PRH1: variants seen among roughly 807,000 people sequenced by gnomAD.
The protein encoded by PRH1 is proline rich protein HaeIII subfamily 1.
In PRH1, 7 loss-of-function variants were observed where a neutral mutation model predicts 7.9. That is an observed-to-expected ratio of 0.89 (90% CI 0.50 to 1.67). The LOEUF is 1.67. Among genes scored for constraint, PRH1 ranks in the 40% most tolerant of loss-of-function variants. The pLI is 0.00. For missense variants in PRH1, 109 were observed against 223.6 expected (o/e 0.49, Z 3.27); for synonymous variants, 45 against 80.8 (o/e 0.56, Z 2.38).
chr12:11,145,383 G>T (rs1376232597), intron 1 of PRH1, among the ~76,000 whole-genome samples: 2 of 151,942 alleles, frequency 1.3e-5, no homozygotes, highest in East Asian at 3.9e-4. Context: ...AGTAGAGATG[G>T]GATTTCACCA....
intron 1 of PRH1, among the ~76,000 whole-genome samples, chr12:11,035,097 G>C (rs887991626): frequency 3.3e-5 from 5 of 151,436 alleles, no homozygotes; most frequent in Middle Eastern, 3.4e-3. Flanking sequence ...TTTTCCTCTA[G>C]TTACTTTTCA....
chr12:11,036,389 G>A (rs1330401498), intron 1 of PRH1, among the ~76,000 whole-genome samples: 1 of 152,124 alleles, frequency 6.6e-6, no homozygotes, highest in Non-Finnish European at 1.5e-5. Context: ...CATGAATATA[G>A]TTTTGGTTAT....
chr12:10,962,963 G>T (rs116686365), intron 2 of PRH1, among the ~76,000 whole-genome samples: 1,701 of 152,242 alleles, frequency 0.011, 39 homozygotes, highest in African/African-American at 0.038. Flanking sequence ...GCAGAGACCG[G>T]GTTTCACAGC....
chr12:11,132,689 A>G (rs2597927), intron 1 of PRH1, among the ~76,000 whole-genome samples: 1 of 151,174 alleles, frequency 6.6e-6, no homozygotes, highest in East Asian at 1.9e-4. Flanking sequence ...GAAATTTACT[A>G]TACGTATACT....
chr12:11,162,706 G>A (rs995193222), intron 1 of PRH1, among the ~76,000 whole-genome samples: 4 of 152,202 alleles, frequency 2.6e-5, no homozygotes, highest in African/African-American at 7.2e-5. Context: ...GCAGTTGGGT[G>A]TGACCCAGTG....
At chr12:11,041,871 G>C (rs546387836) in intron 1 of PRH1, among the ~76,000 whole-genome samples, 1 of 152,228 alleles carries the variant, frequency 6.6e-6, no homozygotes, top group South Asian at 2.1e-4. Context: ...ATATGCTCCT[G>C]AATGACCAGT....
At chr12:10,936,270 G>T (rs918134248) in intron 2 of PRH1, among the ~76,000 whole-genome samples, 1 of 151,752 alleles carries the variant, frequency 6.6e-6, no homozygotes, top group Admixed American at 6.6e-5. Flanking sequence ...GTAAACATAA[G>T]GCCCAGGCTA....
At chr12:10,907,214 T>A (rs944331161) in intron 2 of PRH1, among the ~76,000 whole-genome samples, 3 of 152,214 alleles carry the variant, frequency 2.0e-5, no homozygotes, top group African/African-American at 7.2e-5. Flanking sequence ...CATACACTTA[T>A]CATATGATTT....
At chr12:11,007,045 T>C (rs1010789709) in intron 1 of PRH1, among the ~76,000 whole-genome samples, 2 of 152,172 alleles carry the variant, frequency 1.3e-5, no homozygotes, top group African/African-American at 4.8e-5. Flanking sequence ...AGTTGTTTCA[T>C]AGGGAAATTT....
intron 1 of PRH1, among the ~76,000 whole-genome samples, chr12:11,081,868 TA>T (rs1944511010): frequency 1.7e-5 from 2 of 117,638 alleles, no homozygotes; most frequent in Admixed American, 1.7e-4. Flanking sequence ...ACTTTATAAA[TA>T]AGAGCTTGAT....
chr12:10,901,307 G>A (rs914067704), intron 2 of PRH1, among the ~76,000 whole-genome samples: 15 of 152,156 alleles, frequency 9.9e-5, no homozygotes, highest in African/African-American at 3.6e-4. Flanking sequence ...GGTATTCAGA[G>A]CCCCCACTCT....
At chr12:11,116,536 A>C (rs1474406434), downstream of PRH1, among the ~76,000 whole-genome samples, 1 of 152,136 alleles carries the variant, frequency 6.6e-6, no homozygotes, top group African/African-American at 2.4e-5. Flanking sequence ...AACTATTCTG[A>C]AAAACAGAGG....
At chr12:10,961,916 C>T (rs773403459) in intron 2 of PRH1, among the ~76,000 whole-genome samples, 3 of 152,198 alleles carry the variant, frequency 2.0e-5, no homozygotes, top group Non-Finnish European at 2.9e-5. Context: ...TCTCTCTCAC[C>T]TTATAATGAA....
chr12:10,886,777 A>T (rs1203121905), upstream of PRH1, among the ~76,000 whole-genome samples: 4 of 152,196 alleles, frequency 2.6e-5, no homozygotes, highest in African/African-American at 4.8e-5. Context: ...TAGTGGTTCA[A>T]AAATCCTCGC....
rs1949415711 is a variant in PRH1, at chr12:10,882,349, G to C, written c.450C>G (p.Pro150=). ...RPPRGRPQGP[P]QQGGHQQGPP... ...GACCTTGCTGATGGCCTCCCTGTTG[G>C]GGTGGTCCTTGTGGCCTTCCTCGAG... Residue 150 remains proline (P), a synonymous_variant, in exon 3 of 4, where the codon CCC becomes CCG. Transcript: ENST00000543626. 2.5e-6 allele frequency: 4 copies of C among 1,605,316 alleles called. No individual in the cohort carries two copies. The African/African-American group carries it at 4.0e-5, about 16-fold the overall frequency.
intron 1 of PRH1, among the ~76,000 whole-genome samples, chr12:11,013,438 C>CA (rs1305192882): frequency 6.6e-6 from 1 of 151,906 alleles, no homozygotes; most frequent in Non-Finnish European, 1.5e-5. Context: ...ACACCATACA[C>CA]AAAAAATAAC....
chr12:10,981,613 G>A (rs571252800), intron 1 of PRH1, among the ~76,000 whole-genome samples: 1 of 152,100 alleles, frequency 6.6e-6, no homozygotes, highest in South Asian at 2.1e-4. Flanking sequence ...GACCTCAAGT[G>A]ATCCAACCAC....
intron 1 of PRH1, among the ~76,000 whole-genome samples, chr12:11,086,642 G>A (rs1174052398): frequency 2.0e-4 from 29 of 143,720 alleles, no homozygotes; most frequent in Non-Finnish European, 3.9e-4. Context: ...GGCCGGGTGC[G>A]GTGGCTCAGG....
intron 1 of PRH1, among the ~76,000 whole-genome samples, chr12:11,125,375 G>C (rs1183589488): frequency 6.6e-6 from 1 of 152,238 alleles, no homozygotes; most frequent in African/African-American, 2.4e-5. Flanking sequence ...TGCAATTATA[G>C]AGTGAATAAG....
Sources: gnomAD v4.1 joint callset for allele counts (sites outside exome capture counted in the v4.1 genomes callset) on GRCh38, gnomAD v4.1.1 for gene constraint, MANE v1.5 for transcripts, NCBI Gene and HGNC (gene_info 2026-07-23, HGNC 2026-07-21) for gene names.